OPCML: variants seen among roughly 807,000 people sequenced by gnomAD.
OPCML encodes opioid binding protein/cell adhesion molecule like.
Under a neutral mutation model 37.8 loss-of-function variants are expected in OPCML, and 13 were observed. That is an observed-to-expected ratio of 0.34 (90% CI 0.22 to 0.55). OPCML has a LOEUF of 0.55. Ranked by LOEUF, OPCML falls within the 20% of genes least tolerant of loss-of-function variation. OPCML has a pLI of 0.91. For synonymous variants in OPCML, 176 were observed against 168.8 expected (o/e 1.04, Z -0.33); for missense variants, 341 against 435.6 (o/e 0.78, Z 1.93).
At chr11:132,719,154 C>T (rs981416976) in intron 2 of OPCML, among the ~76,000 whole-genome samples, 3 of 152,208 alleles carry the variant, frequency 2.0e-5, no homozygotes, top group African/African-American at 7.2e-5. Context: ...CCGGGCGCGC[C>T]GTCCAGGAGG....
At chr11:132,584,503 A>C (rs2096468463) in intron 3 of OPCML, among the ~76,000 whole-genome samples, 2 of 152,300 alleles carry the variant, frequency 1.3e-5, no homozygotes, top group South Asian at 4.1e-4. Context: ...TTTATTTAAA[A>C]TAAAATATGA....
At chr11:132,989,453 G>T (rs1032645690) in intron 1 of OPCML, among the ~76,000 whole-genome samples, 1 of 152,134 alleles carries the variant, frequency 6.6e-6, no homozygotes, top group Non-Finnish European at 1.5e-5. Flanking sequence ...TAATTTTAGA[G>T]ACTCATATGT....
intron 1 of OPCML, among the ~76,000 whole-genome samples, chr11:133,306,482 G>C (rs1324452228): frequency 2.0e-5 from 3 of 152,140 alleles, no homozygotes; most frequent in Non-Finnish European, 4.4e-5. Flanking sequence ...AAAATCTCTT[G>C]TCTTGGAATA....
chr11:133,051,724 T>C (rs959060502), intron 1 of OPCML, among the ~76,000 whole-genome samples: 2 of 152,152 alleles, frequency 1.3e-5, no homozygotes, highest in African/African-American at 4.8e-5. Flanking sequence ...CTCAAATGTC[T>C]TCTAGGCAGC....
At chr11:132,479,814 C>A (rs911240273) in intron 4 of OPCML, among the ~76,000 whole-genome samples, 1 of 152,058 alleles carries the variant, frequency 6.6e-6, no homozygotes, top group Non-Finnish European at 1.5e-5. Context: ...AGCTGAGGGT[C>A]CTGTTAGAAG....
In OPCML at chr11:132,700,813, G is replaced by A. The variant is rs117924389; in HGVS notation, c.147-43494C>T. Among the ~76,000 whole-genome samples the A allele has an allele frequency of 3.6e-3, 550 of 152,240 alleles. 7 individuals carry two copies. In the East Asian group the frequency reaches 0.048, roughly 13 times the overall value. On this transcript the variant is annotated intron_variant, in intron 2 of 7. Coordinates refer to ENST00000524381, the MANE Select transcript of OPCML (RefSeq NM_001012393.5). ...TGTTAGGTCTATTTTGGCTTACAGCGTTGTTAAAGTGCATATTTCCTTATT... is the reference window on the plus strand; with the variant it reads ...TGTTAGGTCTATTTTGGCTTACAGCATTGTTAAAGTGCATATTTCCTTATT...
intron 4 of OPCML, among the ~76,000 whole-genome samples, chr11:132,457,808 T>C (rs2096087628): frequency 6.6e-6 from 1 of 152,244 alleles, no homozygotes; most frequent in African/African-American, 2.4e-5. Context: ...ATGGGCTGTC[T>C]CTTCCTATGT....
rs116135544 is a variant in OPCML, at chr11:132,523,868, C to A, written c.505+5193G>T. Among the ~76,000 whole-genome samples the A allele has an allele frequency of 8.4e-3, 1,279 of 152,256 alleles. 13 individuals are homozygous for A. Among genetic ancestry groups the A allele is most frequent in the African/African-American group, 0.029 (1,225 of 41,568 alleles). ...GTCAGCTTTGGTTACCTGGAAAATT[C>A]ACTTGTATGAAATAGCTCATGCACT... On this transcript the variant is annotated intron_variant, in intron 4 of 7. Transcript: ENST00000524381.
chr11:133,298,680 G>A (rs1942697734), intron 1 of OPCML: 1 of 152,124 alleles, frequency 6.6e-6, no homozygotes, highest in Admixed American at 6.5e-5. Flanking sequence ...TCTTGACATG[G>A]ACAAATGGTT....
chr11:132,544,957 C>T (rs546978562), intron 3 of OPCML, among the ~76,000 whole-genome samples: 4 of 152,332 alleles, frequency 2.6e-5, no homozygotes, highest in Admixed American at 2.0e-4. Context: ...TTCTCCAAAT[C>T]ACAATCCCAG....
chr11:133,467,070 G>C (rs1220779430), intron 1 of OPCML, among the ~76,000 whole-genome samples: 1 of 152,164 alleles, frequency 6.6e-6, no homozygotes, highest in East Asian at 1.9e-4. Flanking sequence ...TTGAACATCT[G>C]TGAACCATGA....
intron 3 of OPCML, among the ~76,000 whole-genome samples, chr11:132,550,842 G>A (rs1208677670): frequency 6.6e-6 from 1 of 152,204 alleles, no homozygotes; most frequent in Non-Finnish European, 1.5e-5. Context: ...ATATGTGCAT[G>A]CCAGGAAACA....
chr11:132,630,891 A>G (rs1470363867), intron 3 of OPCML, among the ~76,000 whole-genome samples: 3 of 152,222 alleles, frequency 2.0e-5, no homozygotes, highest in East Asian at 3.8e-4. Flanking sequence ...TGGGGAATGG[A>G]TAAACAAATT....
intron 1 of OPCML, among the ~76,000 whole-genome samples, chr11:133,109,882 A>G (rs906686981): frequency 6.6e-6 from 1 of 152,234 alleles, no homozygotes; most frequent in Admixed American, 6.5e-5. Flanking sequence ...TGAAGAGAAT[A>G]AGCCATAAAC....
At chr11:133,068,844 G>A (rs188273572) in intron 1 of OPCML, among the ~76,000 whole-genome samples, 8 of 152,286 alleles carry the variant, frequency 5.3e-5, no homozygotes, top group African/African-American at 1.9e-4. Context: ...ATGGTTAAGG[G>A]TCAAGGTGCC....
At chr11:133,316,751 A>G (rs548938358) in intron 1 of OPCML, among the ~76,000 whole-genome samples, 14 of 152,370 alleles carry the variant, frequency 9.2e-5, no homozygotes, top group Middle Eastern at 3.4e-3. Flanking sequence ...ATCTGCATGC[A>G]TGTTATATAT....
intron 1 of OPCML, among the ~76,000 whole-genome samples, chr11:133,071,902 C>T (rs1948544354): frequency 6.6e-6 from 1 of 152,172 alleles, no homozygotes; most frequent in Non-Finnish European, 1.5e-5. Flanking sequence ...CCCAATCCTC[C>T]TATTGTATAA....
At chr11:133,351,967 A>T (rs1592225173) in intron 1 of OPCML, among the ~76,000 whole-genome samples, 1 of 151,132 alleles carries the variant, frequency 6.6e-6, no homozygotes, top group Admixed American at 6.6e-5. Flanking sequence ...GACCATCTCA[A>T]CTCTTCATTT....
At chr11:132,576,002 C>T (rs2096449661) in intron 3 of OPCML, among the ~76,000 whole-genome samples, 1 of 152,062 alleles carries the variant, frequency 6.6e-6, no homozygotes, top group African/African-American at 2.4e-5. Flanking sequence ...TCCACTCACA[C>T]TTGTATGTAA....
Sources: allele counts gnomAD v4.1 joint callset (sites outside exome capture counted in the v4.1 genomes callset), GRCh38; gene constraint gnomAD v4.1.1; transcripts MANE v1.5; gene names NCBI Gene and HGNC (gene_info 2026-07-23, HGNC 2026-07-21).